The following OBI1 variants were observed in gnomAD, a reference collection of about 807,000 sequenced individuals.
The protein encoded by OBI1 is ORC ubiquitin ligase 1.
In OBI1, 59 loss-of-function variants were observed where a neutral mutation model predicts 62.4. The observed-to-expected ratio is 0.95, with a 90% confidence interval of 0.77 to 1.17. The LOEUF is 1.17. Ranked by LOEUF, OBI1 falls within the 50% of genes most tolerant of loss-of-function variation. The probability of loss-of-function intolerance (pLI) is 0.00; values close to 1 mark genes in which losing one functional copy is unlikely to be tolerated. For synonymous variants in OBI1, 302 were observed against 292.8 expected (o/e 1.03, Z -0.32); for missense variants, 875 against 830.9 (o/e 1.05, Z -0.65).
At position 78,644,186 on chromosome 13, in the gene OBI1, G is replaced by A. The variant is rs77525811; in HGVS notation, c.208+676C>T. ...TGTCTACTCCTATAGTCCAACCTATGTATTACCACAAGTAATATTTGTAAA... is the reference window on the plus strand; with the variant it reads ...TGTCTACTCCTATAGTCCAACCTATATATTACCACAAGTAATATTTGTAAA... On this transcript the variant is annotated intron_variant, in intron 2 of 5. Coordinates refer to ENST00000282003, the MANE Select transcript of OBI1 (RefSeq NM_024546.4). Among the ~76,000 whole-genome samples, 1,361 of 152,296 alleles carry A rather than the reference G, an allele frequency of 8.9e-3. 20 individuals carry two copies. Among genetic ancestry groups the A allele is most frequent in the African/African-American group, 0.03 (1,258 of 41,550 alleles).
intron 5 of OBI1, among the ~76,000 whole-genome samples, chr13:78,626,988 C>A (rs1875689725): frequency 6.6e-6 from 1 of 152,084 alleles, no homozygotes; most frequent in Admixed American, 6.6e-5. Context: ...ATAGCATGAA[C>A]CCAGGGGGCG....
Position 78,638,922 on chromosome 13 carries a change from A to T in OBI1, c.450T>A (p.Ser150Arg), listed in dbSNP as rs757220541. The T allele has an allele frequency of 5.8e-5, 94 of 1,613,956 alleles. 1 individual carries two copies. Among genetic ancestry groups the T allele is most frequent in the Non-Finnish European group, 7.9e-5 (93 of 1,179,920 alleles). Residue 150 changes from serine (S) to arginine (R), a missense_variant, in exon 4 of 6, where the codon AGT becomes AGA. Coordinates refer to ENST00000282003, the MANE Select transcript of OBI1 (RefSeq NM_024546.4). Reference sequence around the variant, plus strand: ...CTGCTACAGTTTCTGGGTTAATTTTACTTGGATTATCTGTGACTAGATGTT... The same window carrying T: ...CTGCTACAGTTTCTGGGTTAATTTTTCTTGGATTATCTGTGACTAGATGTT... ...EDKHLVTDNPSKINPETVAEW... is the reference protein window; with the variant it reads ...EDKHLVTDNPRKINPETVAEW...
At position 78,614,423 on chromosome 13, in the gene OBI1, G is replaced by A. The variant is rs1211058876; in HGVS notation, c.*1157C>T. On this transcript the variant is annotated 3_prime_UTR_variant, in exon 6 of 6. Transcript: ENST00000282003. ...ATACCCATTTTTAAAGACCTATATAGGCATACCAAATACGTTTAGAACAAT... is the reference window on the plus strand; with the variant it reads ...ATACCCATTTTTAAAGACCTATATAAGCATACCAAATACGTTTAGAACAAT... 1 of 152,472 alleles carries A rather than the reference G, an allele frequency of 6.6e-6. No individual in the cohort carries two copies. The highest frequency in any genetic ancestry group is 1.5e-5 in the Non-Finnish European group (1 of 68,018). The allele number at this position is 152,472 out of a possible 1,614,324, so 9.4% of individuals were successfully genotyped here.
intron 5 of OBI1, among the ~76,000 whole-genome samples, chr13:78,621,384 G>C (rs987784425): frequency 6.6e-6 from 1 of 152,172 alleles, no homozygotes; most frequent in Non-Finnish European, 1.5e-5. Flanking sequence ...GACCCATCAA[G>C]TCACTTCTTT....
chr13:78,634,753 A>G lies in OBI1; in HGVS notation c.638+357T>C, dbSNP rs78726736. Among the ~76,000 whole-genome samples the G allele has an allele frequency of 7.9e-3, 1,208 of 152,358 alleles. 11 individuals are homozygous for G. Among genetic ancestry groups the G allele is most frequent in the South Asian group, 0.033 (161 of 4,830 alleles). The stretch of plus-strand genomic sequence containing the variant: ...AAAGAGAAAGAACTATATGAACATT[A>G]ACTATTACTAAGACTATCTAAGAAA... On this transcript the variant is annotated intron_variant, in intron 5 of 5. Coordinates refer to ENST00000282003, the MANE Select transcript of OBI1 (RefSeq NM_024546.4).
intron 1 of OBI1, among the ~76,000 whole-genome samples, chr13:78,646,661 C>T (rs1876392837): frequency 6.6e-6 from 1 of 152,140 alleles, no homozygotes; most frequent in South Asian, 2.1e-4. Flanking sequence ...AATGAAGAGG[C>T]AGAACCACCA....
In OBI1 at chr13:78,641,566, G is replaced by A. The variant is rs1403191242; in HGVS notation, c.300+556C>T. Among the ~76,000 whole-genome samples, 3 of 152,092 alleles carry A rather than the reference G, an allele frequency of 2.0e-5. No homozygotes were observed. In the East Asian group the frequency reaches 5.8e-4, roughly 29 times the overall value. On this transcript the variant is annotated intron_variant, in intron 3 of 5. Coordinates refer to ENST00000282003, the MANE Select transcript of OBI1 (RefSeq NM_024546.4). ...TTATTTGTAAAAATAGCATCACCAT[G>A]TCCAATCATCCTGTTCATTCACCTT...
At chr13:78,639,144 C>A in intron 3 of OBI1, 73 bp from the exon 4 acceptor site, 1 of 1,451,678 alleles carries the variant, frequency 6.9e-7, no homozygotes, top group Non-Finnish European at 9.2e-7. Flanking sequence ...AAACTGAAGC[C>A]AACATGGTTT....
chr13:78,642,886 CAA>C (rs34161628), intron 2 of OBI1, among the ~76,000 whole-genome samples: 31 of 143,964 alleles, frequency 2.2e-4, no homozygotes, highest in Admixed American at 2.8e-4. Flanking sequence ...GACTCCGTCT[CAA>C]AAAAAAAAAA....
intron 5 of OBI1, among the ~76,000 whole-genome samples, chr13:78,628,652 C>T (rs1359426294): frequency 2.0e-5 from 3 of 152,082 alleles, no homozygotes; most frequent in Non-Finnish European, 4.4e-5. Flanking sequence ...TAGGAAAACA[C>T]TGAATAGTTT....
chr13:78,642,472 C>T (rs1330758972), intron 2 of OBI1, among the ~76,000 whole-genome samples: 1 of 152,164 alleles, frequency 6.6e-6, no homozygotes, highest in African/African-American at 2.4e-5. Flanking sequence ...TCACAGCAAA[C>T]TCAGTGGAGG....
At chr13:78,636,644 C>G (rs1194384731) in intron 4 of OBI1, among the ~76,000 whole-genome samples, 8 of 152,176 alleles carry the variant, frequency 5.3e-5, no homozygotes, top group Admixed American at 5.2e-4. Flanking sequence ...ACCTGCTTAT[C>G]TTCATGAATG....
chr13:78,628,141 A>C (rs1049023706), intron 5 of OBI1, among the ~76,000 whole-genome samples: 9 of 152,236 alleles, frequency 5.9e-5, no homozygotes, highest in Non-Finnish European at 1.2e-4. Context: ...CTCTGTTAAA[A>C]GGGTATTTTA....
intron 1 of OBI1, among the ~76,000 whole-genome samples, chr13:78,658,244 C>A (rs896926611): frequency 2.6e-5 from 4 of 152,148 alleles, no homozygotes; most frequent in Non-Finnish European, 5.9e-5. Context: ...TATCTTTCCC[C>A]TTCTTTATCT....
intron 5 of OBI1, among the ~76,000 whole-genome samples, chr13:78,634,361 C>T (rs1875957817): frequency 6.6e-6 from 1 of 151,562 alleles, no homozygotes; most frequent in Admixed American, 6.6e-5. Flanking sequence ...GTGGCATGAT[C>T]TCGGCCCAAT....
intron 4 of OBI1, among the ~76,000 whole-genome samples, chr13:78,635,922 C>G (rs1448459666): frequency 1.3e-5 from 2 of 152,002 alleles, no homozygotes; most frequent in African/African-American, 2.4e-5. Flanking sequence ...GCCACCATGC[C>G]CAGCTAATTT....
At position 78,616,930 on chromosome 13, in the gene OBI1, T is replaced by A; in HGVS notation, c.831A>T (p.Ala277=). ...MNSICQTALS[A]DGKGSKGSEE... ...CACTGCCTTTGCTCCCTTTGCCATC[T>A]GCAGAAAGTGCTGTCTGGCAAATGG... Residue 277 remains alanine, a synonymous_variant, in exon 6 of 6, where the codon GCA becomes GCT. Coordinates refer to ENST00000282003, the MANE Select transcript of OBI1 (RefSeq NM_024546.4). 6.2e-7 allele frequency: 1 copy of A among 1,614,152 alleles called. No individual in the cohort carries two copies. Among genetic ancestry groups the A allele is most frequent in the South Asian group, 1.1e-5 (1 of 91,058 alleles).
At chr13:78,653,395 T>C (rs1186645341) in intron 1 of OBI1, among the ~76,000 whole-genome samples, 2 of 152,206 alleles carry the variant, frequency 1.3e-5, no homozygotes, top group South Asian at 2.1e-4. Context: ...TAGTATGGTA[T>C]AGTCAAAGGA....
In OBI1 at chr13:78,623,882, A is replaced by C. The variant is rs754181650; in HGVS notation, c.639-6760T>G. ...AAATCCAGTAATATTTTGAAATTTT[A>C]AAAGATCATTTATTAAAGTGGCCTT... On this transcript the variant is annotated intron_variant, in intron 5 of 5. Coordinates refer to ENST00000282003, the MANE Select transcript of OBI1 (RefSeq NM_024546.4). Among the ~76,000 whole-genome samples the C allele has an allele frequency of 2.0e-4, 31 of 152,216 alleles. 1 individual carries two copies. The highest frequency in any genetic ancestry group is 4.3e-4 in the Non-Finnish European group (29 of 68,028).
Sources: allele counts gnomAD v4.1 joint callset (sites outside exome capture counted in the v4.1 genomes callset), GRCh38; gene constraint gnomAD v4.1.1; transcripts MANE v1.5; gene names NCBI Gene and HGNC (gene_info 2026-07-23, HGNC 2026-07-21).